The following RBMS3 variants were observed in gnomAD, a reference collection of about 807,000 sequenced individuals.
RBMS3 encodes the protein RNA-binding motif, single-stranded-interacting protein 3.
RBMS3 carries 27 observed loss-of-function variants against 66.8 expected under a neutral mutation model. The ratio of observed to expected loss-of-function variants is 0.40; its 90% CI spans 0.30 to 0.56. The LOEUF (loss-of-function observed/expected upper bound fraction) is 0.56. Ranked by LOEUF, RBMS3 falls within the 20% of genes least tolerant of loss-of-function variation. The pLI is 0.40. For missense variants in RBMS3, 513 were observed against 549.5 expected (o/e 0.93, Z 0.66); for synonymous variants, 188 against 183.0 (o/e 1.03, Z -0.22).
intron 10 of RBMS3, among the ~76,000 whole-genome samples, chr3:29,920,465 T>A (rs572007870): frequency 6.6e-6 from 1 of 152,334 alleles, no homozygotes; most frequent in Non-Finnish European, 1.5e-5. Context: ...TCTGTTTTTC[T>A]GAAATTTTTG....
intron 3 of RBMS3, among the ~76,000 whole-genome samples, chr3:29,562,807 A>AT (rs1488187031): frequency 4.6e-5 from 7 of 152,190 alleles, no homozygotes; most frequent in African/African-American, 1.7e-4. Flanking sequence ...AGCATAGGTT[A>AT]TCTTTGAGTA....
intron 4 of RBMS3, among the ~76,000 whole-genome samples, chr3:29,683,422 T>C (rs2051581053): frequency 6.6e-6 from 1 of 152,068 alleles, no homozygotes; most frequent in Admixed American, 6.6e-5. Flanking sequence ...TGCTGCCAAA[T>C]TGAACAATAG....
chr3:29,836,011 C>T (rs2058498457), intron 6 of RBMS3, among the ~76,000 whole-genome samples: 1 of 151,786 alleles, frequency 6.6e-6, no homozygotes, highest in Non-Finnish European at 1.5e-5. Flanking sequence ...ACAAATTAGA[C>T]TGCCTAGAAT....
intron 6 of RBMS3, among the ~76,000 whole-genome samples, chr3:29,832,096 A>G (rs920624066): frequency 4.6e-5 from 7 of 152,174 alleles, no homozygotes; most frequent in African/African-American, 1.7e-4. Context: ...GTAACAAAAT[A>G]TACATCACAA....
intron 6 of RBMS3, among the ~76,000 whole-genome samples, chr3:29,849,777 T>C (rs2149517097): frequency 6.6e-6 from 1 of 152,338 alleles, no homozygotes; most frequent in Admixed American, 6.5e-5. Context: ...TCCATTTTGA[T>C]GGCCATTTTA....
intron 6 of RBMS3, among the ~76,000 whole-genome samples, chr3:29,806,432 C>T (rs998357986): frequency 6.6e-6 from 1 of 151,848 alleles, no homozygotes; most frequent in South Asian, 2.1e-4. Context: ...TTGAAATGTA[C>T]CATATTTTGT....
intron 3 of RBMS3, among the ~76,000 whole-genome samples, chr3:29,549,829 G>A (rs1417754136): frequency 6.6e-6 from 1 of 152,146 alleles, no homozygotes; most frequent in Non-Finnish European, 1.5e-5. Flanking sequence ...ACTTAAGGCA[G>A]TAAAATATTT....
intron 6 of RBMS3, among the ~76,000 whole-genome samples, chr3:29,851,356 G>A (rs1182821494): frequency 6.6e-6 from 1 of 152,100 alleles, no homozygotes; most frequent in Non-Finnish European, 1.5e-5. Flanking sequence ...AAGGAGGTGG[G>A]GATCGTTTGA....
intron 6 of RBMS3, among the ~76,000 whole-genome samples, chr3:29,826,874 T>C (rs1407777801): frequency 6.6e-6 from 1 of 152,150 alleles, no homozygotes; most frequent in Non-Finnish European, 1.5e-5. Context: ...AATTAGAAGT[T>C]AGTGGGGAAA....
chr3:29,500,423 A>G (rs906878190), intron 3 of RBMS3, among the ~76,000 whole-genome samples: 1 of 148,642 alleles, frequency 6.7e-6, no homozygotes, highest in Non-Finnish European at 1.5e-5. Context: ...ATATAAATAT[A>G]TATATATAAT....
At chr3:29,724,777 G>C (rs1167744810) in intron 4 of RBMS3, among the ~76,000 whole-genome samples, 1 of 152,234 alleles carries the variant, frequency 6.6e-6, no homozygotes, top group South Asian at 2.1e-4. Context: ...GGAATTTCAA[G>C]TTAAGGGCTA....
intron 3 of RBMS3, among the ~76,000 whole-genome samples, chr3:29,558,435 T>A (rs950913040): frequency 1.3e-5 from 2 of 152,194 alleles, no homozygotes; most frequent in East Asian, 3.8e-4. Flanking sequence ...CTGATATTTT[T>A]AAATTATAAG....
At chr3:29,807,902 C>T (rs1317018546) in intron 6 of RBMS3, among the ~76,000 whole-genome samples, 1 of 151,668 alleles carries the variant, frequency 6.6e-6, no homozygotes, top group East Asian at 1.9e-4. Context: ...CCAGCTTAAC[C>T]TGAAATTTCA....
chr3:29,394,130 C>T (rs1014877979), intron 1 of RBMS3, among the ~76,000 whole-genome samples: 2 of 152,188 alleles, frequency 1.3e-5, no homozygotes, highest in East Asian at 3.9e-4. Flanking sequence ...TTATCTTCAA[C>T]TGCATAAGAC....
At chr3:29,446,687 A>C (rs2041843484) in intron 2 of RBMS3, among the ~76,000 whole-genome samples, 1 of 152,186 alleles carries the variant, frequency 6.6e-6, no homozygotes, top group South Asian at 2.1e-4. Context: ...AACCAAAAGG[A>C]TACCAAGCAT....
chr3:29,583,737 T>C (rs1014886118), intron 3 of RBMS3, among the ~76,000 whole-genome samples: 4 of 152,180 alleles, frequency 2.6e-5, no homozygotes, highest in African/African-American at 2.4e-5. Flanking sequence ...GTAGTTTTAA[T>C]CTATTTTCTG....
chr3:29,862,903 C>T (rs2059254114), intron 6 of RBMS3, among the ~76,000 whole-genome samples: 1 of 148,970 alleles, frequency 6.7e-6, no homozygotes, highest in East Asian at 2.0e-4. Flanking sequence ...GTAAACTATT[C>T]AGGGATGGAA....
chr3:29,672,997 G>A (rs138374296), intron 4 of RBMS3, among the ~76,000 whole-genome samples: 22,473 of 151,874 alleles, frequency 0.15, 1,739 homozygotes, highest in Middle Eastern at 0.22. Flanking sequence ...GCACCACATC[G>A]CACTTATTAC....
chr3:29,696,315 A>C (rs73831639), intron 4 of RBMS3, among the ~76,000 whole-genome samples: 10,912 of 152,252 alleles, frequency 0.072, 1,323 homozygotes, highest in African/African-American at 0.25. Context: ...TGCCAATCTC[A>C]GAGGTAAGAT....
Sources: allele counts gnomAD v4.1 joint callset (sites outside exome capture counted in the v4.1 genomes callset), GRCh38; gene constraint gnomAD v4.1.1; transcripts MANE v1.5; gene names NCBI Gene and HGNC (gene_info 2026-07-23, HGNC 2026-07-21).